RYR2: variants seen among roughly 807,000 people sequenced by gnomAD.
The protein encoded by RYR2 is ryanodine receptor 2.
A neutral mutation model predicts 601.1 loss-of-function variants in RYR2; 227 were observed. The ratio of observed to expected loss-of-function variants is 0.38; its 90% CI spans 0.34 to 0.42. The LOEUF is 0.42. Among genes scored for constraint, RYR2 ranks in the 10% least tolerant of loss-of-function variants. The pLI, the probability that RYR2 is intolerant of heterozygous loss-of-function variation, is 1.00. For synonymous variants in RYR2, 2,223 were observed against 2,175.1 expected (o/e 1.02, Z -0.61); for missense variants, 4,646 against 6,156.5 (o/e 0.75, Z 8.21).
At chr1:237,593,077 T>A (rs1253877032) in intron 32 of RYR2, among the ~76,000 whole-genome samples, 1 of 152,054 alleles carries the variant, frequency 6.6e-6, no homozygotes. Context: ...CTTGAAGAAT[T>A]TGAAGCTTCC....
chr1:237,535,099 G>A (rs184093081), intron 25 of RYR2, among the ~76,000 whole-genome samples: 157 of 151,498 alleles, frequency 1.0e-3, no homozygotes, highest in Middle Eastern at 3.4e-3. Flanking sequence ...AAACAATAAT[G>A]GAAAAGGAAA....
Position 237,108,538 on chromosome 1 carries a change from G to C in RYR2, c.48+65969G>C, listed in dbSNP as rs150072860. ...TGCAGAAGCTCACAACCAAAACAGA[G>C]AACAGGGCTGAGCTGCGCTGAGCAG... On this transcript the variant is annotated intron_variant, in intron 1 of 104. Transcript: ENST00000366574. Among the ~76,000 whole-genome samples the C allele has an allele frequency of 9.8e-5, 15 of 152,322 alleles. No individual in the cohort carries two copies. In the South Asian group the frequency reaches 1.0e-3, roughly 11 times the overall value.
intron 37 of RYR2, among the ~76,000 whole-genome samples, chr1:237,616,317 A>G (rs1475947155): frequency 6.6e-6 from 1 of 152,180 alleles, no homozygotes; most frequent in African/African-American, 2.4e-5. Context: ...TCTCTTAGAA[A>G]TGTTTCTACC....
rs1318711262 is a variant in RYR2 at position 237,640,991 on chromosome 1, C to T, written c.7210C>T (p.Pro2404Ser). ...ALIDLLGRCA[P>S]EMHLIHAGKG... ...GATTGACCTCTTGGGACGCTGTGCT[C>T]CTGAGATGCATGTGAGTTTCTGGGA... Residue 2404 changes from proline (P) to serine (S), a missense_variant, in exon 47 of 105, where the codon CCT becomes TCT. Around this residue, in one of 17 missense-constraint regions of RYR2, gnomAD observed 1,497 missense variants for 1,842.6 expected, o/e 0.81. Coordinates refer to ENST00000366574, the MANE Select transcript of RYR2 (RefSeq NM_001035.3). The T allele has an allele frequency of 1.2e-6, 2 of 1,610,400 alleles. No homozygotes were observed. The highest frequency in any genetic ancestry group is 3.4e-5 in the Admixed American group (2 of 59,636).
chr1:237,101,322 A>C (rs1357673866), intron 1 of RYR2, among the ~76,000 whole-genome samples: 2,159 of 151,626 alleles, frequency 0.014, 26 homozygotes, highest in Middle Eastern at 0.031. Flanking sequence ...AAAAAAAAAA[A>C]AACCTCACAA....
At chr1:237,091,282 A>AG (rs1666918966) in intron 1 of RYR2, among the ~76,000 whole-genome samples, 1 of 152,204 alleles carries the variant, frequency 6.6e-6, no homozygotes, top group African/African-American at 2.4e-5. Flanking sequence ...ATTCTGACTG[A>AG]GGGATGGAAA....
At position 237,784,984 on chromosome 1, in the gene RYR2, C is replaced by G; in HGVS notation, c.13260+12C>G. ...AGGAAAAATTTCAGGTAATTTATCTCTAAGTCACAGCAGCATTCTCTCTGG... is the reference window on the plus strand; with the variant it reads ...AGGAAAAATTTCAGGTAATTTATCTGTAAGTCACAGCAGCATTCTCTCTGG... On this transcript the variant is annotated intron_variant, in intron 90 of 104. Transcript: ENST00000366574. This position sits in a 1 kb window ranked among gnomAD's most constrained non-coding sequence, Gnocchi z 7.1. 1 of 1,542,446 alleles carries G rather than the reference C, an allele frequency of 6.5e-7. No individual in the cohort carries two copies. The highest frequency in any genetic ancestry group is 8.8e-7 in the Non-Finnish European group (1 of 1,136,860).
chr1:237,544,233 A>G (rs1669573178), intron 25 of RYR2, among the ~76,000 whole-genome samples: 1 of 152,092 alleles, frequency 6.6e-6, no homozygotes, highest in Non-Finnish European at 1.5e-5. Context: ...TCATAAGCTA[A>G]TTTTATAGGA....
In RYR2 at chr1:237,697,663, G is replaced by A. The variant is rs557862720; in HGVS notation, c.9068-1302G>A. Among the ~76,000 whole-genome samples the A allele has an allele frequency of 4.0e-5, 6 of 149,632 alleles. 1 individual carries two copies. The South Asian group carries it at 1.3e-3, about 31-fold the overall frequency. On this transcript the variant is annotated intron_variant, in intron 63 of 104. Coordinates refer to ENST00000366574, the MANE Select transcript of RYR2 (RefSeq NM_001035.3). ...CCCTTTAAAATGCAAGTACCATAAG[G>A]ACTATTTTGTTCATTACTGGAAATT...
chr1:237,721,247 T>TAGTC (rs1401749136), intron 73 of RYR2, among the ~76,000 whole-genome samples: 1 of 151,634 alleles, frequency 6.6e-6, no homozygotes, highest in Non-Finnish European at 1.5e-5. Context: ...GTATCAAACA[T>TAGTC]AGTCCTCAGA....
At chr1:237,128,359 C>T (rs1671775441) in intron 1 of RYR2, among the ~76,000 whole-genome samples, 1 of 152,004 alleles carries the variant, frequency 6.6e-6, no homozygotes, top group Non-Finnish European at 1.5e-5. Context: ...GAGAGGGAGA[C>T]TGTGGAAAGA....
At chr1:237,053,471 A>G (rs1661543004) in intron 1 of RYR2, among the ~76,000 whole-genome samples, 3 of 152,186 alleles carry the variant, frequency 2.0e-5, no homozygotes, top group African/African-American at 4.8e-5. Flanking sequence ...CCCGTCATGA[A>G]GAATTGCATC....
At chr1:237,275,280 C>G (rs912973944) in intron 2 of RYR2, among the ~76,000 whole-genome samples, 3 of 151,948 alleles carry the variant, frequency 2.0e-5, no homozygotes, top group African/African-American at 2.4e-5. Context: ...GTGAGTTTGA[C>G]TTACCTATTA....
At chr1:237,177,011 A>G (rs1678128904) in intron 1 of RYR2, among the ~76,000 whole-genome samples, 1 of 152,230 alleles carries the variant, frequency 6.6e-6, no homozygotes, top group South Asian at 2.1e-4. Flanking sequence ...TGCAAATAGA[A>G]TAACTAGATC....
intron 42 of RYR2, among the ~76,000 whole-genome samples, chr1:237,632,536 A>G (rs1241715709): frequency 6.6e-6 from 1 of 151,774 alleles, no homozygotes; most frequent in Non-Finnish European, 1.5e-5. Flanking sequence ...CTGGGACTAC[A>G]GGCGCCCACC....
intron 1 of RYR2, among the ~76,000 whole-genome samples, chr1:237,116,096 G>A (rs1382143092): frequency 6.6e-6 from 1 of 152,182 alleles, no homozygotes; most frequent in Non-Finnish European, 1.5e-5. Context: ...TTTAAGAATT[G>A]TAATTCTTTC....
intron 24 of RYR2, among the ~76,000 whole-genome samples, chr1:237,512,421 T>C (rs1010896954): frequency 6.6e-6 from 1 of 152,232 alleles, no homozygotes; most frequent in African/African-American, 2.4e-5. Context: ...AGTTGAATAA[T>C]TTAAAATTTT....
chr1:237,709,587 T>C lies in RYR2; in HGVS notation c.10230+20T>C, dbSNP rs74323916. On this transcript the variant is annotated intron_variant, in intron 70 of 104. Transcript: ENST00000366574. ...TCCCATGTGAGTGTGAAAATATTGATAGATCACGCCTACTGTTTGTAGGCA... is the reference window on the plus strand; with the variant it reads ...TCCCATGTGAGTGTGAAAATATTGACAGATCACGCCTACTGTTTGTAGGCA... 21,162 of 1,519,598 alleles carry C rather than the reference T, an allele frequency of 0.014. 179 individuals are homozygous for C. Among genetic ancestry groups the C allele is most frequent in the Middle Eastern group, 0.022 (129 of 5,870 alleles). 94.1% of individuals were successfully genotyped at this position (1,519,598 alleles called of 1,614,324 possible).
chr1:237,669,018 C>T (rs1216403721), intron 58 of RYR2, among the ~76,000 whole-genome samples: 2 of 148,318 alleles, frequency 1.3e-5, no homozygotes, highest in African/African-American at 2.5e-5. Flanking sequence ...GCAGAGGACC[C>T]TGCGGCCTTC....
Sources: gnomAD v4.1 joint callset for allele counts (sites outside exome capture counted in the v4.1 genomes callset) on GRCh38, gnomAD v4.1.1 for gene constraint, gnomAD v4.1.1 regional missense constraint, Gnocchi (gnomAD v3.1) non-coding constraint, MANE v1.5 for transcripts, NCBI Gene and HGNC (gene_info 2026-07-23, HGNC 2026-07-21) for gene names.